The following SUMF1 variants were observed in gnomAD, a reference collection of about 807,000 sequenced individuals.
SUMF1 encodes formylglycine-generating enzyme.
In SUMF1, 48 loss-of-function variants were observed where a neutral mutation model predicts 47.6. The observed-to-expected ratio is 1.01, with a 90% confidence interval of 0.80 to 1.28. The LOEUF is 1.28. Ranked by LOEUF, SUMF1 falls within the 50% of genes most tolerant of loss-of-function variation. The pLI is 0.00. For missense variants in SUMF1, 571 were observed against 485.4 expected (o/e 1.18, Z -1.66); for synonymous variants, 230 against 192.1 (o/e 1.20, Z -1.63).
chr3:4,324,700 G>A (rs959079377), intron 8 of SUMF1, among the ~76,000 whole-genome samples: 8 of 152,162 alleles, frequency 5.3e-5, no homozygotes, highest in African/African-American at 1.9e-4. Context: ...GAGGAAATAA[G>A]GCTGACATGG....
intron 8 of SUMF1, among the ~76,000 whole-genome samples, chr3:4,253,886 G>A (rs1459853188): frequency 6.7e-6 from 1 of 150,024 alleles, no homozygotes; most frequent in Non-Finnish European, 1.5e-5. Flanking sequence ...GAAGAGAGCA[G>A]TGGTTCTCCC....
At chr3:4,401,928 C>CA (rs1231475645) in intron 7 of SUMF1, among the ~76,000 whole-genome samples, 2 of 152,140 alleles carry the variant, frequency 1.3e-5, no homozygotes, top group Non-Finnish European at 2.9e-5. Flanking sequence ...GTAAGGAAGA[C>CA]AGTTTACAAG....
Position 4,174,777 on chromosome 3 carries a change from C to T in SUMF1, c.1015-106032G>A, listed in dbSNP as rs1030108178. Among the ~76,000 whole-genome samples, 10 of 152,264 alleles carry T rather than the reference C, an allele frequency of 6.6e-5. No homozygotes were observed. The East Asian group carries it at 1.7e-3, about 26-fold the overall frequency. On this transcript the variant is annotated intron_variant and NMD_transcript_variant, in intron 8 of 12. Coordinates refer to the SUMF1 transcript ENST00000448413. ...CAAGGGGTCAGGAGATTTCTCTTTC[C>T]TAGCCAAGGGAAGCCGTGACAGACT...
At chr3:4,253,387 G>A (rs1234395519) in intron 8 of SUMF1, among the ~76,000 whole-genome samples, 7 of 152,220 alleles carry the variant, frequency 4.6e-5, no homozygotes, top group East Asian at 1.9e-4. Flanking sequence ...GACAGTGGGC[G>A]CAGGCCAGTG....
At chr3:4,252,148 CA>C (rs1306597823) in intron 8 of SUMF1, among the ~76,000 whole-genome samples, 1 of 152,170 alleles carries the variant, frequency 6.6e-6, no homozygotes, top group Non-Finnish European at 1.5e-5. Flanking sequence ...CTGCACAAAT[CA>C]GCAATGGTTT....
chr3:4,184,735 G>A (rs571892514), intron 8 of SUMF1, among the ~76,000 whole-genome samples: 9 of 141,312 alleles, frequency 6.4e-5, no homozygotes, highest in Admixed American at 2.9e-4. Flanking sequence ...TGCAACCTCC[G>A]CCTCCCGGGT....
At chr3:4,287,697 T>G (rs1397778779) in intron 8 of SUMF1, among the ~76,000 whole-genome samples, 1 of 152,206 alleles carries the variant, frequency 6.6e-6, no homozygotes, top group Non-Finnish European at 1.5e-5. Context: ...CCTTGAATAT[T>G]TAAAATATAC....
intron 9 of SUMF1, among the ~76,000 whole-genome samples, chr3:4,058,496 A>G (rs1695227261): frequency 6.6e-6 from 1 of 152,116 alleles, no homozygotes; most frequent in Admixed American, 6.6e-5. Context: ...GCCTAGATTA[A>G]GGGACCAGGG....
intron 8 of SUMF1, among the ~76,000 whole-genome samples, chr3:4,254,116 T>A (rs1696884262): frequency 6.6e-6 from 1 of 151,340 alleles, no homozygotes; most frequent in Non-Finnish European, 1.5e-5. Context: ...CATCTGTACA[T>A]CACCATCATC....
At chr3:4,145,794 A>T (rs1179938395) in intron 8 of SUMF1, among the ~76,000 whole-genome samples, 1 of 152,184 alleles carries the variant, frequency 6.6e-6, no homozygotes, top group Non-Finnish European at 1.5e-5. Flanking sequence ...AAGGATAAAC[A>T]TAAATCAGCA....
chr3:4,218,544 G>A (rs891955558), intron 8 of SUMF1, among the ~76,000 whole-genome samples: 1 of 152,128 alleles, frequency 6.6e-6, no homozygotes, highest in Admixed American at 6.6e-5. Context: ...TCATCAAGAA[G>A]TCACTCTAGA....
chr3:4,206,622 C>T (rs1437885128), intron 8 of SUMF1, among the ~76,000 whole-genome samples: 4 of 152,246 alleles, frequency 2.6e-5, no homozygotes, highest in South Asian at 2.1e-4. Context: ...TTTCCTACCT[C>T]TTCAGTGCCT....
intron 8 of SUMF1, among the ~76,000 whole-genome samples, chr3:4,252,918 A>C (rs1696839673): frequency 6.6e-6 from 1 of 152,200 alleles, no homozygotes; most frequent in African/African-American, 2.4e-5. Context: ...TTCGTATCTA[A>C]AATATTAAGT....
intron 8 of SUMF1, among the ~76,000 whole-genome samples, chr3:4,251,685 C>T (rs947015975): frequency 3.3e-5 from 5 of 152,200 alleles, no homozygotes; most frequent in Non-Finnish European, 7.3e-5. Flanking sequence ...AGGCTTCTCT[C>T]TAGCTTTGAA....
At chr3:4,193,399 G>T (rs1251531165) in intron 8 of SUMF1, among the ~76,000 whole-genome samples, 1 of 151,960 alleles carries the variant, frequency 6.6e-6, no homozygotes. Flanking sequence ...TCAGACTTGA[G>T]GGGATCATAA....
At chr3:4,058,487 C>T (rs1695227147) in intron 9 of SUMF1, among the ~76,000 whole-genome samples, 1 of 151,826 alleles carries the variant, frequency 6.6e-6, no homozygotes. Flanking sequence ...AAGGAAGGTG[C>T]CTAGATTAAG....
intron 8 of SUMF1, among the ~76,000 whole-genome samples, chr3:4,353,463 A>G (rs937345768): frequency 2.6e-5 from 4 of 152,130 alleles, no homozygotes; most frequent in Non-Finnish European, 5.9e-5. Flanking sequence ...CGTGTTAGCC[A>G]GGATGGTCTC....
At chr3:4,177,726 A>G (rs968112229) in intron 8 of SUMF1, among the ~76,000 whole-genome samples, 1 of 152,066 alleles carries the variant, frequency 6.6e-6, no homozygotes, top group Non-Finnish European at 1.5e-5. Flanking sequence ...ACAAAAAACC[A>G]TTCAAAAAAA....
intron 8 of SUMF1, among the ~76,000 whole-genome samples, chr3:4,370,980 A>G (rs1700150020): frequency 6.6e-6 from 1 of 152,192 alleles, no homozygotes; most frequent in South Asian, 2.1e-4. Context: ...ACTCACTACA[A>G]AAGTTAGTGT....
Sources: gnomAD v4.1 joint callset for allele counts (sites outside exome capture counted in the v4.1 genomes callset) on GRCh38, gnomAD v4.1.1 for gene constraint, MANE v1.5 for transcripts, NCBI Gene and HGNC (gene_info 2026-07-23, HGNC 2026-07-21) for gene names.